Variants in RBM44 observed in about 807,000 individuals in gnomAD.
RBM44 encodes the protein RNA binding motif protein 44, also known as RNA-binding protein 44.
Under a neutral mutation model 105.1 loss-of-function variants are expected in RBM44, and 66 were observed. That is an observed-to-expected ratio of 0.63 (90% confidence interval 0.52 to 0.77). RBM44 has a LOEUF of 0.77. RBM44 is among the 30% of genes least tolerant of loss of function. The pLI is 0.00. For synonymous variants in RBM44, 365 were observed against 417.6 expected, an observed-to-expected ratio of 0.87 and a Z score of 1.54; for missense variants, 1,122 against 1,207.8, an observed-to-expected ratio of 0.93 and a Z score of 1.05.
intron 15 of RBM44, among the ~76,000 whole-genome samples, chr2:237,840,187 C>CAA (rs34666443): frequency 0.12 from 7,627 of 64,370 alleles, 582 homozygotes; most frequent in East Asian, 0.33. Context: ...GACTCTATCT[C>CAA]AAAAAAAAAA....
At chr2:237,804,752 GTT>G (rs551659498) in intron 1 of RBM44, among the ~76,000 whole-genome samples, 39 of 152,330 alleles carry the variant, frequency 2.6e-4, no homozygotes, top group Admixed American at 2.0e-3. Flanking sequence ...TAGGTTGTCT[GTT>G]TACTCTGTTG....
At chr2:237,833,921 A>G in intron 13 of RBM44, 76 bp from the exon 14 acceptor site, 1 of 681,754 alleles carries the variant, frequency 1.5e-6, no homozygotes. Context: ...CAAATATATT[A>G]TTGTTGAATA....
At position 237,800,474 on chromosome 2, in the gene RBM44, C is replaced by T. The variant is rs561305558; in HGVS notation, c.-19+1613C>T. Among the ~76,000 whole-genome samples, 3 of 152,322 alleles carry T rather than the reference C, an allele frequency of 2.0e-5. No homozygotes were observed. In the East Asian group the frequency reaches 5.8e-4, roughly 29 times the overall value. ...TCATATTTAAGAATGAAGCTTGCAG[C>T]ACACTGCAGATTTCATTAAATGCAG... On this transcript the variant is annotated intron_variant, in intron 1 of 15. Transcript: ENST00000316997.
rs370171046 is a variant in RBM44, at chr2:237,820,351, T to C, written c.1913T>C (p.Met638Thr). Reference protein sequence around the residue: ...LVMENREGLNMNLSSNSAKKE... With the variant: ...LVMENREGLNTNLSSNSAKKE... Reference sequence around the variant, plus strand: ...ATGGAAAATAGGGAAGGATTAAATATGTGTTTATTAATTTCAAATCTGTTT... The same window carrying C: ...ATGGAAAATAGGGAAGGATTAAATACGTGTTTATTAATTTCAAATCTGTTT... The change falls in exon 5 of 16, where the codon ATG (methionine) becomes ACG (threonine). Residue 638 changes from methionine to threonine, a missense_variant and splice_region_variant. Transcript: ENST00000316997. 12 of 1,549,548 alleles carry C rather than the reference T, an allele frequency of 7.7e-6. No individual in the cohort carries two copies. The highest frequency in any genetic ancestry group is 4.1e-5 in the African/African-American group (3 of 72,662).
At position 237,841,144 on chromosome 2, in the gene RBM44, C is replaced by T. The variant is rs2062008179; in HGVS notation, c.*23-695C>T. Among the ~76,000 whole-genome samples, 1 of 152,208 alleles carries T rather than the reference C, an allele frequency of 6.6e-6. No individual in the cohort carries two copies. Among genetic ancestry groups the T allele is most frequent in the Non-Finnish European group, 1.5e-5 (1 of 68,054 alleles). On this transcript the variant is annotated intron_variant, in intron 15 of 15. Transcript: ENST00000316997. This position sits in a 1 kb window ranked among gnomAD's most constrained non-coding sequence, Gnocchi z 4.5. ...TGCATATTTATCACAGCACTATTCACAATAGCAGAGACATGAAATCAACCT... is the reference window on the plus strand; with the variant it reads ...TGCATATTTATCACAGCACTATTCATAATAGCAGAGACATGAAATCAACCT...
rs558558647 is a variant in RBM44 at position 237,820,220 on chromosome 2, G to T, written c.1782G>T (p.Met594Ile). 19 of 1,575,430 alleles carry T rather than the reference G, an allele frequency of 1.2e-5. No homozygotes were observed. Among genetic ancestry groups the T allele is most frequent in the East Asian group, 9.2e-5 (4 of 43,422 alleles). Residue 594 changes from methionine (M) to isoleucine (I), a missense_variant, in exon 5 of 16, where the codon ATG becomes ATT. This residue lies in a region of RBM44 where 918 missense variants were observed against 955.3 expected (regional missense o/e 0.96). Coordinates refer to ENST00000316997, the MANE Select transcript of RBM44 (RefSeq NM_001080504.3). Reference protein sequence around the residue: ...FKDTEKDLPSMCCQKIMQRAI... With the variant: ...FKDTEKDLPSICCQKIMQRAI... ...ATACAGAGAAGGATTTGCCATCAAT[G>T]TGCTGTCAGAAGATAATGCAGAGAG...
intron 2 of RBM44, among the ~76,000 whole-genome samples, chr2:237,816,645 A>T (rs570064120): frequency 6.6e-6 from 1 of 152,236 alleles, no homozygotes; most frequent in East Asian, 1.9e-4. Context: ...TAGCTTGTAG[A>T]TGGCTGCCTT....
chr2:237,803,883 C>A lies in RBM44; in HGVS notation c.-19+5022C>A, dbSNP rs2061572149. ...TACCATTTATTGAATATGCCTTAGACCTTTTTTTTTTTTCTTTTTTTTGAG... is the reference window on the plus strand; with the variant it reads ...TACCATTTATTGAATATGCCTTAGAACTTTTTTTTTTTTCTTTTTTTTGAG... On this transcript the variant is annotated intron_variant, in intron 1 of 15. Coordinates refer to ENST00000316997, the MANE Select transcript of RBM44 (RefSeq NM_001080504.3). This position sits in a 1 kb window ranked among gnomAD's most constrained non-coding sequence, Gnocchi z 4.2. Among the ~76,000 whole-genome samples the A allele has an allele frequency of 6.6e-6, 1 of 150,868 alleles. No individual in the cohort carries two copies.
intron 12 of RBM44, among the ~76,000 whole-genome samples, chr2:237,828,355 T>C (rs953023331): frequency 3.3e-5 from 5 of 152,152 alleles, no homozygotes; most frequent in African/African-American, 7.2e-5. Context: ...AATTGTAAGA[T>C]AATTGTTCAG....
chr2:237,836,369 C>T (rs11681008), intron 15 of RBM44, among the ~76,000 whole-genome samples: 19,730 of 152,040 alleles, frequency 0.13, 1,681 homozygotes, highest in East Asian at 0.41. Flanking sequence ...TGCAGTGACA[C>T]AATCATAGCT....
At chr2:237,819,618 T>G (rs777303141) in intron 4 of RBM44, among the ~76,000 whole-genome samples, 5 of 152,002 alleles carry the variant, frequency 3.3e-5, no homozygotes, top group Non-Finnish European at 7.4e-5. Flanking sequence ...AGGGAAGACC[T>G]CCAAAAACTA....
chr2:237,821,014 T>C, intron 5 of RBM44, 57 bp from the exon 6 acceptor site: 1 of 1,271,260 alleles, frequency 7.9e-7, no homozygotes, highest in Non-Finnish European at 1.1e-6. Context: ...AATATTAGTG[T>C]TAAATGGATG....
At chr2:237,805,764 A>G (rs2150968004) in intron 1 of RBM44, among the ~76,000 whole-genome samples, 1 of 152,302 alleles carries the variant, frequency 6.6e-6, no homozygotes, top group Non-Finnish European at 1.5e-5. Context: ...CAGGAGTTTG[A>G]GACCCGCCTG....
At chr2:237,821,451 C>G in intron 7 of RBM44, 83 bp downstream of exon 7, 1 of 1,029,936 alleles carries the variant, frequency 9.7e-7, no homozygotes, top group Admixed American at 2.6e-5. Context: ...TTGTTTTGTT[C>G]CCTATTTAGA....
chr2:237,830,105 A>G (rs2150987209), intron 13 of RBM44, among the ~76,000 whole-genome samples: 1 of 152,312 alleles, frequency 6.6e-6, no homozygotes, highest in Admixed American at 6.5e-5. Flanking sequence ...GAACAGTTCC[A>G]TCACTCCAGA....
At chr2:237,810,682 G>A (rs2061650347) in intron 1 of RBM44, among the ~76,000 whole-genome samples, 1 of 152,174 alleles carries the variant, frequency 6.6e-6, no homozygotes. Flanking sequence ...GAAGAAGATA[G>A]GGCTTAGGGA....
Position 237,817,564 on chromosome 2 carries a change from AGTT to A in RBM44, c.650_652del (p.Val217del), listed in dbSNP as rs775885099. On this transcript the variant is annotated inframe_deletion, in exon 3 of 16. Coordinates refer to ENST00000316997, the MANE Select transcript of RBM44 (RefSeq NM_001080504.3). ...AAGCATTAGATATATCTAATCCAGA[AGTT>A]GTTGAATTAGGAAATTCGGGTTATG... 6.2e-7 allele frequency: 1 copy of A among 1,612,298 alleles called. No homozygotes were observed. The highest frequency in any genetic ancestry group is 1.7e-5 in the Admixed American group (1 of 59,758).
At chr2:237,807,634 GAC>G (rs77503874) in intron 1 of RBM44, among the ~76,000 whole-genome samples, 3,889 of 152,264 alleles carry the variant, frequency 0.026, 66 homozygotes, top group Middle Eastern at 0.085. Flanking sequence ...CTGTGCTTTT[GAC>G]AGCCTTAGGG....
At chr2:237,833,964 G>C (rs1576517359) in intron 13 of RBM44, 33 bp from the exon 14 acceptor site, 1 of 1,373,110 alleles carries the variant, frequency 7.3e-7, no homozygotes, top group African/African-American at 1.4e-5. Context: ...GGTCCTTACT[G>C]ATTTTAAGAA....
Sources: gnomAD v4.1 joint callset for allele counts (sites outside exome capture counted in the v4.1 genomes callset) on GRCh38, gnomAD v4.1.1 for gene constraint, gnomAD v4.1.1 regional missense constraint, Gnocchi (gnomAD v3.1) non-coding constraint, MANE v1.5 for transcripts, NCBI Gene and HGNC (gene_info 2026-07-23, HGNC 2026-07-21) for gene names.